The following NDST4 variants were observed in gnomAD, a reference collection of about 807,000 sequenced individuals.
The protein encoded by NDST4 is N-heparan sulfate sulfotransferase 4.
In NDST4, 63 loss-of-function variants were observed where a neutral mutation model predicts 100.8. The observed-to-expected ratio is 0.62, with a 90% CI of 0.51 to 0.77. The LOEUF is 0.77. Among genes scored for constraint, NDST4 ranks in the 30% least tolerant of loss-of-function variants. The pLI is 0.00. For missense variants in NDST4, 943 were observed against 1,018.4 expected (o/e 0.93, Z 1.01); for synonymous variants, 377 against 361.8 (o/e 1.04, Z -0.48).
intron 2 of NDST4, among the ~76,000 whole-genome samples, chr4:114,989,956 G>T (rs1727001482): frequency 6.6e-6 from 1 of 152,078 alleles, no homozygotes; most frequent in African/African-American, 2.4e-5. Flanking sequence ...CAAAATCCCT[G>T]TCTAGCCTTT....
intron 2 of NDST4, among the ~76,000 whole-genome samples, chr4:114,981,266 G>A (rs1347397852): frequency 1.5e-5 from 2 of 136,048 alleles, no homozygotes; most frequent in Non-Finnish European, 3.2e-5. Flanking sequence ...AGGAAGGAAG[G>A]AAGAAAGCAG....
intron 1 of NDST4, among the ~76,000 whole-genome samples, chr4:115,097,111 A>AG (rs984217517): frequency 4.6e-5 from 7 of 152,024 alleles, no homozygotes; most frequent in Non-Finnish European, 2.9e-5. Context: ...GAAGTTCCCC[A>AG]GGGCCTATTC....
At chr4:114,995,477 C>G (rs1451570518) in intron 2 of NDST4, among the ~76,000 whole-genome samples, 1 of 151,986 alleles carries the variant, frequency 6.6e-6, no homozygotes, top group Non-Finnish European at 1.5e-5. Flanking sequence ...ATGCTGACAT[C>G]CTGGCATTGA....
intron 6 of NDST4, among the ~76,000 whole-genome samples, chr4:114,919,637 A>T (rs1049302255): frequency 2.0e-5 from 3 of 152,232 alleles, no homozygotes; most frequent in African/African-American, 7.2e-5. Flanking sequence ...GCAGAGGGCC[A>T]GGTCATGGTC....
chr4:114,845,929 T>C lies in NDST4; in HGVS notation c.2009A>G (p.Tyr670Cys). The change falls in exon 10 of 14, where the codon TAC becomes TGC. Residue 670 changes from tyrosine to cysteine, a missense_variant. Transcript: ENST00000264363. ...TCTTGGAGCTTCTTCCGAATGGAAG[T>C]AATTAGCACTCTTTTCAAACAGAAA... ...SDFLFEKSAN[Y>C]FHSEEAPRRA... is the part of the protein sequence containing the mutation. 6.2e-7 allele frequency: 1 copy of C among 1,613,902 alleles called. No homozygotes were observed.
chr4:114,941,426 A>AC (rs1186180017), intron 4 of NDST4, among the ~76,000 whole-genome samples: 1 of 151,324 alleles, frequency 6.6e-6, no homozygotes, highest in Non-Finnish European at 1.5e-5. Flanking sequence ...TCTCCTGTTC[A>AC]CTTTTTTTTT....
At chr4:114,836,668 G>T (rs995609778) in intron 11 of NDST4, among the ~76,000 whole-genome samples, 1 of 152,180 alleles carries the variant, frequency 6.6e-6, no homozygotes, top group Non-Finnish European at 1.5e-5. Context: ...GGCCTGTCTT[G>T]CTAGGTAGGG....
At chr4:114,922,050 C>G (rs945730627) in intron 6 of NDST4, among the ~76,000 whole-genome samples, 1 of 152,116 alleles carries the variant, frequency 6.6e-6, no homozygotes, top group East Asian at 1.9e-4. Flanking sequence ...CACCCCCCAC[C>G]GCCTTCCAGT....
At chr4:115,098,917 A>C (rs1301699044) in intron 1 of NDST4, among the ~76,000 whole-genome samples, 1 of 152,148 alleles carries the variant, frequency 6.6e-6, no homozygotes, top group African/African-American at 2.4e-5. Flanking sequence ...TATGTTACCT[A>C]GGCTGGTCTT....
In NDST4 at chr4:114,970,431, A is replaced by C. The variant is rs1162948829; in HGVS notation, c.1220T>G (p.Leu407Arg). The change falls in exon 4 of 14, where the codon CTG becomes CGG. Residue 407 changes from leucine to arginine, a missense_variant and splice_region_variant. Coordinates refer to ENST00000264363, the MANE Select transcript of NDST4 (RefSeq NM_022569.3). ...GATACCACAATAAAATGTGCTCACC[A>C]GTGCAAATTCCTTGTTGAGAATCAT... ...EQMILNKEFA[L>R]EHGIPINMGY... 3.1e-6 allele frequency: 5 copies of C among 1,612,464 alleles called. No individual in the cohort carries two copies. The highest frequency in any genetic ancestry group is 4.2e-6 in the Non-Finnish European group (5 of 1,179,016).
At position 115,104,465 on chromosome 4, in the gene NDST4, T is replaced by C. The variant is rs149965038; in HGVS notation, c.-247+8979A>G. On this transcript the variant is annotated intron_variant, in intron 1 of 13. Coordinates refer to ENST00000264363, the MANE Select transcript of NDST4 (RefSeq NM_022569.3). ...GGTCAGAAGACCAACTAGGAAACAT[T>C]TGCATTTGTTTTTATTCTATCCAGT... 5.0e-3 allele frequency among the ~76,000 whole-genome samples: 768 copies of C among 152,154 alleles called. 2 individuals are homozygous for C. Among genetic ancestry groups the C allele is most frequent in the Non-Finnish European group, 8.2e-3 (556 of 67,956 alleles).
intron 2 of NDST4, among the ~76,000 whole-genome samples, chr4:115,008,838 G>A (rs1363774292): frequency 7.8e-6 from 1 of 128,412 alleles, no homozygotes; most frequent in South Asian, 3.0e-4. Context: ...CAGCAAAGTC[G>A]CAGGATACAA....
At chr4:115,047,868 T>C (rs1189641636) in intron 2 of NDST4, among the ~76,000 whole-genome samples, 3 of 152,148 alleles carry the variant, frequency 2.0e-5, no homozygotes, top group Non-Finnish European at 4.4e-5. Context: ...TAAAAGAATA[T>C]TATAAAAATA....
intron 6 of NDST4, among the ~76,000 whole-genome samples, chr4:114,888,737 G>A (rs1242041509): frequency 6.6e-6 from 1 of 151,848 alleles, no homozygotes; most frequent in Non-Finnish European, 1.5e-5. Context: ...CTTTAATTTT[G>A]TTGTCTTTGT....
intron 1 of NDST4, among the ~76,000 whole-genome samples, chr4:115,094,606 A>T (rs750959571): frequency 1.1e-4 from 16 of 152,118 alleles, no homozygotes; most frequent in Non-Finnish European, 2.1e-4. Context: ...TAAAATTAAT[A>T]TGTTGATTTT....
chr4:115,097,843 C>A (rs2126297005), intron 1 of NDST4, among the ~76,000 whole-genome samples: 1 of 152,332 alleles, frequency 6.6e-6, no homozygotes, highest in East Asian at 1.9e-4. Context: ...TCTCTATATT[C>A]TCCAAACATG....
intron 2 of NDST4, among the ~76,000 whole-genome samples, chr4:115,024,025 C>T (rs1004970272): frequency 1.3e-5 from 2 of 152,084 alleles, no homozygotes; most frequent in African/African-American, 2.4e-5. Flanking sequence ...TTGGCAGTGA[C>T]CATATGGTGC....
At chr4:114,882,583 A>AG (rs2126201867) in intron 6 of NDST4, among the ~76,000 whole-genome samples, 1 of 152,182 alleles carries the variant, frequency 6.6e-6, no homozygotes, top group South Asian at 2.1e-4. Flanking sequence ...AAGTACAAAG[A>AG]GAAAAAAAAT....
intron 6 of NDST4, among the ~76,000 whole-genome samples, chr4:114,906,082 G>A (rs1724942394): frequency 6.6e-6 from 1 of 151,870 alleles, no homozygotes; most frequent in South Asian, 2.1e-4. Context: ...GATGAACCTT[G>A]GGATCAATTT....
Sources: allele counts gnomAD v4.1 joint callset (sites outside exome capture counted in the v4.1 genomes callset), GRCh38; gene constraint gnomAD v4.1.1; transcripts MANE v1.5; gene names NCBI Gene and HGNC (gene_info 2026-07-23, HGNC 2026-07-21).